Variants in SLC6A17 observed in about 807,000 individuals in gnomAD.
The protein encoded by SLC6A17 is sodium-dependent neutral amino acid transporter SLC6A17.
Under a neutral mutation model 64.5 loss-of-function variants are expected in SLC6A17, and 21 were observed. That is an observed-to-expected ratio of 0.33 (90% confidence interval 0.23 to 0.47). SLC6A17 has a LOEUF of 0.47. Among genes scored for constraint, SLC6A17 ranks in the 20% least tolerant of loss-of-function variants. The pLI is 1.00. For synonymous variants in SLC6A17, 372 were observed against 399.5 expected (o/e 0.93, Z 0.82); for missense variants, 682 against 963.2 (o/e 0.71, Z 3.86).
chr1:110,180,963 C>A (rs910279887), intron 6 of SLC6A17, among the ~76,000 whole-genome samples: 1 of 152,076 alleles, frequency 6.6e-6, no homozygotes, highest in Non-Finnish European at 1.5e-5. Context: ...TTCAGGCTAT[C>A]GGACCTGGAC....
chr1:110,154,400 C>T (rs959185198), intron 1 of SLC6A17, among the ~76,000 whole-genome samples: 1 of 152,282 alleles, frequency 6.6e-6, no homozygotes, highest in South Asian at 2.1e-4. Context: ...AGGCATTTAC[C>T]CAAACAAGAT....
At chr1:110,191,922 C>T in intron 6 of SLC6A17, 50 bp from the exon 7 acceptor site, 1 of 1,586,920 alleles carries the variant, frequency 6.3e-7, no homozygotes, top group Non-Finnish European at 8.6e-7. Flanking sequence ...TGAATAAAAC[C>T]ATCCCCTCTG....
rs750318748 is a variant in SLC6A17, at chr1:110,198,235, C to G, written c.1975C>G (p.Arg659Gly). 6.2e-7 allele frequency: 1 copy of G among 1,614,072 alleles called. No individual in the cohort carries two copies. Among genetic ancestry groups the G allele is most frequent in the Non-Finnish European group, 8.5e-7 (1 of 1,180,034 alleles). Residue 659 changes from arginine (R) to glycine (G), a missense_variant, in exon 12 of 12, where the codon CGC (arginine) becomes GGC (glycine). Physicochemically the swap from Arg to Gly is moderately radical, Grantham distance 125 (BLOSUM62 -2). This residue lies in a region of SLC6A17 where 264 missense variants were observed against 339.5 expected (regional missense o/e 0.78). Transcript: ENST00000331565. ...NTLSVSYKKGRMMKDISNLEE... is the reference protein window; with the variant it reads ...NTLSVSYKKGGMMKDISNLEE... ...CCTCTCCGTGTCCTACAAGAAGGGC[C>G]GCATGATGAAGGACATCTCCAACCT... is the stretch of plus-strand genomic sequence containing the variant.
chr1:110,156,549 C>G (rs1245322947), intron 1 of SLC6A17, among the ~76,000 whole-genome samples: 1 of 152,118 alleles, frequency 6.6e-6, no homozygotes, highest in South Asian at 2.1e-4. Context: ...TGGTAGATGA[C>G]AGTCTGAATC....
At chr1:110,171,909 G>C in intron 2 of SLC6A17, 151 bp from the exon 3 acceptor site, 1 of 1,043,874 alleles carries the variant, frequency 9.6e-7, no homozygotes, top group Non-Finnish European at 1.4e-6. Flanking sequence ...CACACGTATG[G>C]CCACATCATT....
intron 6 of SLC6A17, among the ~76,000 whole-genome samples, chr1:110,188,365 C>A (rs964640285): frequency 2.0e-5 from 3 of 152,236 alleles, no homozygotes; most frequent in Admixed American, 6.5e-5. Flanking sequence ...TACAGGACAG[C>A]CCTGCCCTGT....
At chr1:110,173,893 G>GAAAT in intron 3 of SLC6A17, 80 bp from the exon 4 acceptor site, 3 of 1,558,108 alleles carry the variant, frequency 1.9e-6, no homozygotes, top group East Asian at 2.3e-5. Flanking sequence ...CGCTGCCGAC[G>GAAAT]TGCTGGGCCT....
intron 6 of SLC6A17, among the ~76,000 whole-genome samples, chr1:110,180,979 A>G (rs1442697189): frequency 1.3e-5 from 2 of 152,228 alleles, no homozygotes; most frequent in East Asian, 3.9e-4. Flanking sequence ...TGGACTTTGC[A>G]GTCCATGTCT....
chr1:110,167,469 G>T (rs1656098396), intron 2 of SLC6A17, among the ~76,000 whole-genome samples: 1 of 152,130 alleles, frequency 6.6e-6, no homozygotes, highest in African/African-American at 2.4e-5. Context: ...TCAACTTTGG[G>T]ACCTACTACA....
chr1:110,158,602 A>T (rs1198640642), intron 1 of SLC6A17, among the ~76,000 whole-genome samples: 2 of 152,254 alleles, frequency 1.3e-5, no homozygotes, highest in Non-Finnish European at 2.9e-5. Flanking sequence ...TACGAGGTGT[A>T]GCATCCTTCA....
At chr1:110,164,825 A>G (rs1171548621) in intron 1 of SLC6A17, among the ~76,000 whole-genome samples, 1 of 152,164 alleles carries the variant, frequency 6.6e-6, no homozygotes, top group Non-Finnish European at 1.5e-5. Flanking sequence ...TAGGCTATTT[A>G]TGGAGAAACA....
chr1:110,168,323 C>G (rs972295446), intron 2 of SLC6A17: 2 of 152,190 alleles, frequency 1.3e-5, no homozygotes, highest in Admixed American at 6.5e-5. Context: ...GACGCAGTCC[C>G]CTCCTCTCCA....
chr1:110,159,094 G>C (rs746450016), intron 1 of SLC6A17, among the ~76,000 whole-genome samples: 1 of 152,180 alleles, frequency 6.6e-6, no homozygotes, highest in Non-Finnish European at 1.5e-5. Context: ...CGGGATTAAA[G>C]GAGCTAATAT....
Position 110,197,569 on chromosome 1 carries a change from C to G in SLC6A17, c.1785C>G (p.Pro595=). Reference sequence around the variant, plus strand: ...GCATCATCCAGCTGGGGGTCACGCCCCCGGGCTACAGCGCCTGGATCAAGG... The same window carrying G: ...GCATCATCCAGCTGGGGGTCACGCCGCCGGGCTACAGCGCCTGGATCAAGG... ...TASIIQLGVT[P]PGYSAWIKEE... Residue 595 remains proline (P), a synonymous_variant, in exon 11 of 12, where the codon CCC becomes CCG. Coordinates refer to ENST00000331565, the MANE Select transcript of SLC6A17 (RefSeq NM_001010898.4). 6.2e-7 allele frequency: 1 copy of G among 1,609,612 alleles called. No homozygotes were observed. Among genetic ancestry groups the G allele is most frequent in the Non-Finnish European group, 8.5e-7 (1 of 1,177,988 alleles).
intron 1 of SLC6A17, among the ~76,000 whole-genome samples, chr1:110,152,783 A>G (rs1655643919): frequency 2.0e-5 from 3 of 152,176 alleles, no homozygotes; most frequent in African/African-American, 7.2e-5. Flanking sequence ...TTATTTCTGC[A>G]GGCTTATTTT....
chr1:110,173,510 G>A (rs1408903699), intron 3 of SLC6A17, among the ~76,000 whole-genome samples: 2 of 152,158 alleles, frequency 1.3e-5, no homozygotes, highest in Admixed American at 6.5e-5. Flanking sequence ...TAACATGCCC[G>A]AGAGAGTGGA....
At chr1:110,159,471 CAA>C (rs1385390646) in intron 1 of SLC6A17, among the ~76,000 whole-genome samples, 1 of 152,138 alleles carries the variant, frequency 6.6e-6, no homozygotes, top group Non-Finnish European at 1.5e-5. Flanking sequence ...GATATTGACT[CAA>C]GAGAACAGAC....
chr1:110,173,414 C>A (rs1656292022), intron 3 of SLC6A17, among the ~76,000 whole-genome samples: 1 of 152,218 alleles, frequency 6.6e-6, no homozygotes, highest in Admixed American at 6.5e-5. Flanking sequence ...AGAGTCCATG[C>A]ACTCCTATTT....
At chr1:110,170,237 C>T (rs912955882) in intron 2 of SLC6A17, among the ~76,000 whole-genome samples, 22 of 152,300 alleles carry the variant, frequency 1.4e-4, no homozygotes, top group African/African-American at 5.1e-4. Context: ...GTAATCCCAG[C>T]ACTTTGGGAG....
Sources: gnomAD v4.1 joint callset for allele counts (sites outside exome capture counted in the v4.1 genomes callset) on GRCh38, gnomAD v4.1.1 for gene constraint, gnomAD v4.1.1 regional missense constraint, MANE v1.5 for transcripts, NCBI Gene and HGNC (gene_info 2026-07-23, HGNC 2026-07-21) for gene names.